ARHGEF6: variants seen among roughly 807,000 people sequenced by gnomAD.
ARHGEF6 encodes Rac/Cdc42 guanine nucleotide exchange factor 6.
ARHGEF6 carries 9 observed loss-of-function variants against 70.3 expected under a neutral mutation model. The observed-to-expected ratio is 0.13, with a 90% CI of 0.08 to 0.22. The LOEUF (loss-of-function observed/expected upper bound fraction) is 0.22, where lower values mean the gene tolerates loss of function less well. Ranked by LOEUF, ARHGEF6 falls within the 10% of genes least tolerant of loss-of-function variation. The probability of loss-of-function intolerance (pLI) is 1.00; values close to 1 mark genes in which losing one functional copy is unlikely to be tolerated. For synonymous variants in ARHGEF6, 201 were observed against 207.8 expected (o/e 0.97, Z 0.28); for missense variants, 470 against 563.0 (o/e 0.83, Z 1.67).
chrX:136,763,241 A>G (rs2077280538), intron 2 of ARHGEF6, among the ~76,000 whole-genome samples: 1 of 112,355 alleles, frequency 8.9e-6, no homozygotes, highest in African/African-American at 3.2e-5. Context: ...GTGCTTTCAC[A>G]TACCTTACCT....
intron 9 of ARHGEF6, among the ~76,000 whole-genome samples, chrX:136,704,777 C>T (rs1423833944): frequency 9.0e-6 from 1 of 111,718 alleles, no homozygotes; most frequent in Non-Finnish European, 1.9e-5. Flanking sequence ...GTAGGGTTGA[C>T]AATTCAAGAT....
At chrX:136,733,151 A>T (rs990248869) in intron 5 of ARHGEF6, among the ~76,000 whole-genome samples, 13 of 110,255 alleles carry the variant, frequency 1.2e-4, no homozygotes, top group African/African-American at 4.0e-4. Context: ...CAATAAAAAT[A>T]TGAGACAGTC....
intron 2 of ARHGEF6, among the ~76,000 whole-genome samples, chrX:136,774,650 C>CAAA (rs10712642): frequency 7.0e-5 from 4 of 56,904 alleles, no homozygotes; most frequent in Non-Finnish European, 9.9e-5. Flanking sequence ...AACTCTGTCT[C>CAAA]AAAAAAAAAA....
chrX:136,711,003 T>C (rs2076679125), intron 7 of ARHGEF6, among the ~76,000 whole-genome samples: 1 of 111,283 alleles, frequency 9.0e-6, no homozygotes, highest in Non-Finnish European at 1.9e-5. Flanking sequence ...TAAAAAATAA[T>C]AGATGTTGGT....
At chrX:136,712,936 T>C (rs1569404974) in intron 7 of ARHGEF6, among the ~76,000 whole-genome samples, 1 of 111,550 alleles carries the variant, frequency 9.0e-6, no homozygotes, top group Non-Finnish European at 1.9e-5. Flanking sequence ...GAATTTCCAG[T>C]TTATGTGCTT....
rs753645750 is a variant in ARHGEF6 at position 136,685,644 on chromosome X, G to A, written c.1392+33C>T. The stretch of plus-strand genomic sequence containing the variant: ...AAAAGGAAGAAAAATACGAAAGATG[G>A]AAGAAATAATGTTGAGATTTGAAAT... On this transcript the variant is annotated intron_variant, in intron 12 of 21. Transcript: ENST00000250617. 1.4e-5 allele frequency: 16 copies of A among 1,176,875 alleles called. 1 individual carries two copies. In the South Asian group the frequency reaches 2.9e-4, roughly 22 times the overall value.
intron 2 of ARHGEF6, among the ~76,000 whole-genome samples, chrX:136,760,135 G>C (rs2077251014): frequency 8.9e-6 from 1 of 112,441 alleles, no homozygotes; most frequent in South Asian, 3.6e-4. Context: ...ATACAGAGTA[G>C]CTTCTGGACT....
intron 2 of ARHGEF6, among the ~76,000 whole-genome samples, chrX:136,754,582 CA>C (rs1428726318): frequency 0.02 from 349 of 17,492 alleles, 2 homozygotes; most frequent in African/African-American, 0.08. Flanking sequence ...AACCCCGCCT[CA>C]AAAAAAAAAA....
At chrX:136,752,317 C>T (rs766468167) in intron 2 of ARHGEF6, among the ~76,000 whole-genome samples, 2 of 111,846 alleles carry the variant, frequency 1.8e-5, no homozygotes, top group South Asian at 7.4e-4. Context: ...GGCACTTGGC[C>T]ACATTTGCCA....
At chrX:136,738,644 A>G in intron 5 of ARHGEF6, among the ~76,000 whole-genome samples, 1 of 112,215 alleles carries the variant, frequency 8.9e-6, no homozygotes. Flanking sequence ...TGAAGGCAAA[A>G]GCCATGTCTT....
At chrX:136,671,143 G>A in intron 20 of ARHGEF6, among the ~76,000 whole-genome samples, 2 of 112,391 alleles carry the variant, frequency 1.8e-5, no homozygotes. Flanking sequence ...CAACAACTCT[G>A]AAAGCATTAC....
In ARHGEF6 at chrX:136,780,718, C is replaced by G; in HGVS notation, c.165G>C (p.Lys55Asn). The G allele has an allele frequency of 8.3e-7, 1 of 1,210,389 alleles. No homozygotes were observed. Among genetic ancestry groups the G allele is most frequent in the Admixed American group, 2.2e-5 (1 of 45,968 alleles). Residue 55 changes from lysine to asparagine, a missense_variant and splice_region_variant, in exon 1 of 22, where the codon AAG (lysine) becomes AAC (asparagine). Lys to Asn is a moderately conservative substitution (Grantham distance 94). Transcript: ENST00000250617. ...CAAAGAGACTGCAAATTTCCCTTAC[C>G]TTTTCCACAGAGCCAGGCATGAGTC... is the stretch of plus-strand genomic sequence containing the variant. ...INRLMPGSVE[K>N]FCLDPQTEAD...
chrX:136,688,785 T>C (rs1007115238), intron 10 of ARHGEF6, among the ~76,000 whole-genome samples: 3 of 112,388 alleles, frequency 2.7e-5, no homozygotes, highest in Non-Finnish European at 1.9e-5. Flanking sequence ...GATTCCAAGT[T>C]TCATACCATA....
chrX:136,721,458 G>T (rs764937484), intron 6 of ARHGEF6, among the ~76,000 whole-genome samples: 83 of 111,299 alleles, frequency 7.5e-4, no homozygotes, highest in African/African-American at 2.1e-3. Context: ...AGCTACTTGG[G>T]AGGCTGAGGT....
intron 2 of ARHGEF6, among the ~76,000 whole-genome samples, chrX:136,752,575 C>T (rs918032918): frequency 8.9e-6 from 1 of 112,049 alleles, no homozygotes; most frequent in African/African-American, 3.2e-5. Flanking sequence ...AGAAGGCATA[C>T]CCTACCCTGG....
chrX:136,668,200 A>C (rs747776174), intron 21 of ARHGEF6, 31 bp from the exon 22 acceptor site: 2 of 1,208,774 alleles, frequency 1.7e-6, no homozygotes, highest in Non-Finnish European at 2.2e-6. Context: ...TTGATTATCA[A>C]ACAGAGGGGG....
chrX:136,749,274 T>C (rs2077127488), intron 2 of ARHGEF6, among the ~76,000 whole-genome samples: 2 of 111,489 alleles, frequency 1.8e-5, no homozygotes, highest in African/African-American at 3.3e-5. Context: ...TTCAGACTTA[T>C]TGAGTCTCCC....
At chrX:136,738,737 C>T (rs946888393) in intron 5 of ARHGEF6, among the ~76,000 whole-genome samples, 14 of 112,814 alleles carry the variant, frequency 1.2e-4, no homozygotes, top group African/African-American at 4.2e-4. Flanking sequence ...TGGCTAGAAG[C>T]ATGACACTGC....
chrX:136,686,594 G>GTGTA (rs1303999821), intron 11 of ARHGEF6, among the ~76,000 whole-genome samples: 28 of 57,119 alleles, frequency 4.9e-4, no homozygotes, highest in East Asian at 1.0e-3. Flanking sequence ...GTATGTGTGT[G>GTGTA]TATATATATA....
Sources: gnomAD v4.1 joint callset for allele counts (sites outside exome capture counted in the v4.1 genomes callset) on GRCh38, gnomAD v4.1.1 for gene constraint, MANE v1.5 for transcripts, NCBI Gene and HGNC (gene_info 2026-07-23, HGNC 2026-07-21) for gene names.